The following NALF1 variants were observed in gnomAD, a reference collection of about 807,000 sequenced individuals.
NALF1 encodes the protein NALCN channel auxiliary factor 1.
Under a neutral mutation model 48.4 loss-of-function variants are expected in NALF1, and 3 were observed. The ratio of observed to expected loss-of-function variants is 0.06; its 90% CI spans 0.03 to 0.16. The LOEUF is 0.16. Ranked by LOEUF, NALF1 falls within the 10% of genes least tolerant of loss-of-function variation. NALF1 has a pLI of 1.00. For synonymous variants in NALF1, 262 were observed against 245.7 expected (o/e 1.07, Z -0.62); for missense variants, 526 against 571.5 (o/e 0.92, Z 0.81).
chr13:107,861,863 T>C (rs1433736770), intron 1 of NALF1, among the ~76,000 whole-genome samples: 2 of 66,076 alleles, frequency 3.0e-5, no homozygotes, highest in African/African-American at 6.3e-5. Flanking sequence ...TTGTACATTA[T>C]GTAACCAAAC....
chr13:107,574,194 T>C (rs1194667685), intron 1 of NALF1, among the ~76,000 whole-genome samples: 1 of 152,196 alleles, frequency 6.6e-6, no homozygotes, highest in Non-Finnish European at 1.5e-5. Context: ...TCAGCCAGTA[T>C]TGTTTTGGAG....
intron 1 of NALF1, among the ~76,000 whole-genome samples, chr13:107,855,479 C>T (rs1472760841): frequency 6.6e-6 from 1 of 152,208 alleles, no homozygotes; most frequent in Non-Finnish European, 1.5e-5. Context: ...CCCTGCTTTA[C>T]ACCAAGCTGC....
intron 1 of NALF1, among the ~76,000 whole-genome samples, chr13:107,714,796 C>T (rs1460292389): frequency 6.6e-6 from 1 of 151,942 alleles, no homozygotes; most frequent in East Asian, 1.9e-4. Flanking sequence ...AATTAGGTGC[C>T]GTATCCATGA....
intron 1 of NALF1, among the ~76,000 whole-genome samples, chr13:107,483,219 T>C (rs1376507622): frequency 1.3e-5 from 2 of 152,134 alleles, no homozygotes; most frequent in Non-Finnish European, 2.9e-5. Flanking sequence ...ACCAGCAAAA[T>C]GAATGCTTTA....
At chr13:107,289,198 A>G (rs1012251483) in intron 1 of NALF1, among the ~76,000 whole-genome samples, 65 of 152,250 alleles carry the variant, frequency 4.3e-4, no homozygotes, top group African/African-American at 1.5e-3. Context: ...CTGCCACCCT[A>G]TATAAAATCA....
At chr13:107,206,606 G>A (rs1204106049) in intron 2 of NALF1, among the ~76,000 whole-genome samples, 1 of 152,138 alleles carries the variant, frequency 6.6e-6, no homozygotes, top group Non-Finnish European at 1.5e-5. Flanking sequence ...ATTCCAAGGG[G>A]TGATATTCCC....
chr13:107,300,516 G>A (rs1881816622), intron 1 of NALF1, among the ~76,000 whole-genome samples: 1 of 152,158 alleles, frequency 6.6e-6, no homozygotes, highest in African/African-American at 2.4e-5. Context: ...GACAGAAAAT[G>A]AGCATACTTT....
At chr13:107,425,020 C>T (rs1192055946) in intron 1 of NALF1, among the ~76,000 whole-genome samples, 1 of 152,196 alleles carries the variant, frequency 6.6e-6, no homozygotes, top group Non-Finnish European at 1.5e-5. Context: ...GAAGTATTTG[C>T]TTTTAGATTG....
intron 2 of NALF1, among the ~76,000 whole-genome samples, chr13:107,192,769 A>G (rs1879309894): frequency 6.6e-6 from 1 of 152,208 alleles, no homozygotes; most frequent in South Asian, 2.1e-4. Flanking sequence ...CAAAGGAGTA[A>G]GAAAATGAGC....
chr13:107,539,903 G>A (rs963392437), intron 1 of NALF1, among the ~76,000 whole-genome samples: 37 of 152,060 alleles, frequency 2.4e-4, no homozygotes, highest in South Asian at 2.1e-4. Context: ...TTACTGAGAC[G>A]TATAAACTTA....
intron 1 of NALF1, among the ~76,000 whole-genome samples, chr13:107,281,359 C>T (rs1417373582): frequency 6.6e-6 from 1 of 152,222 alleles, no homozygotes; most frequent in South Asian, 2.1e-4. Context: ...GAAAAACTAT[C>T]ATAGAAAATG....
intron 1 of NALF1, among the ~76,000 whole-genome samples, chr13:107,238,668 G>T (rs1410016790): frequency 6.6e-6 from 1 of 152,210 alleles, no homozygotes; most frequent in African/African-American, 2.4e-5. Context: ...CAGGCAGACA[G>T]TACAAAAGCA....
At chr13:107,238,009 TA>T (rs1880389350) in intron 1 of NALF1, among the ~76,000 whole-genome samples, 1 of 152,104 alleles carries the variant, frequency 6.6e-6, no homozygotes, top group African/African-American at 2.4e-5. Context: ...AAATCTCCCA[TA>T]AGGGACACAT....
intron 1 of NALF1, among the ~76,000 whole-genome samples, chr13:107,305,984 A>T (rs1369655685): frequency 1.3e-5 from 2 of 152,198 alleles, no homozygotes; most frequent in Non-Finnish European, 2.9e-5. Flanking sequence ...AATAATAAGA[A>T]ATCAACTAGC....
chr13:107,645,912 G>T (rs1880303243), intron 1 of NALF1, among the ~76,000 whole-genome samples: 1 of 152,056 alleles, frequency 6.6e-6, no homozygotes, highest in Non-Finnish European at 1.5e-5. Flanking sequence ...ACTCCAAGAG[G>T]TTGCAGTAAG....
intron 1 of NALF1, among the ~76,000 whole-genome samples, chr13:107,494,945 G>A (rs1175427506): frequency 6.6e-6 from 1 of 152,224 alleles, no homozygotes; most frequent in African/African-American, 2.4e-5. Context: ...AGTCTCACGA[G>A]TAGAGCATAA....
chr13:107,316,226 A>C (rs1162321036), intron 1 of NALF1, among the ~76,000 whole-genome samples: 9 of 152,180 alleles, frequency 5.9e-5, no homozygotes, highest in South Asian at 2.1e-4. Context: ...AGGACATGAA[A>C]TCATCATTTT....
intron 1 of NALF1, among the ~76,000 whole-genome samples, chr13:107,564,431 C>A (rs1417638129): frequency 6.6e-6 from 1 of 152,168 alleles, no homozygotes; most frequent in Non-Finnish European, 1.5e-5. Context: ...AAGCAAACAT[C>A]AAACCACAGC....
chr13:107,380,244 G>C (rs567610421), intron 1 of NALF1, among the ~76,000 whole-genome samples: 45 of 152,250 alleles, frequency 3.0e-4, no homozygotes, highest in African/African-American at 1.0e-3. Flanking sequence ...AATGTTCCTA[G>C]TTCAGAAATG....
Sources: gnomAD v4.1 joint callset for allele counts (sites outside exome capture counted in the v4.1 genomes callset) on GRCh38, gnomAD v4.1.1 for gene constraint, MANE v1.5 for transcripts, NCBI Gene and HGNC (gene_info 2026-07-23, HGNC 2026-07-21) for gene names.